The following ITGBL1 variants were observed in gnomAD, a reference collection of about 807,000 sequenced individuals.
ITGBL1 encodes integrin subunit beta like 1.
In ITGBL1, 51 loss-of-function variants were observed where a neutral mutation model predicts 68.5. The ratio of observed to expected loss-of-function variants is 0.74; its 90% CI spans 0.59 to 0.94. The LOEUF (loss-of-function observed/expected upper bound fraction) is 0.94, where lower values mean the gene tolerates loss of function less well. Ranked by LOEUF, ITGBL1 falls within the 40% of genes least tolerant of loss-of-function variation. ITGBL1 has a pLI of 0.00. For missense variants in ITGBL1, 649 were observed against 647.4 expected (o/e 1.00, Z -0.03); for synonymous variants, 209 against 227.3 (o/e 0.92, Z 0.72).
Position 101,608,438 on chromosome 13 carries a change from C to T in ITGBL1, c.1015+10139C>T, listed in dbSNP as rs556027772. ...GTAATTTTGGACAGCTGAATCATTA[C>T]CTTTCTTATTCATGTTTACAGAGAG... On this transcript the variant is annotated intron_variant, in intron 7 of 10. Coordinates refer to ENST00000376180, the MANE Select transcript of ITGBL1 (RefSeq NM_004791.3). Among the ~76,000 whole-genome samples the T allele has an allele frequency of 2.0e-5, 3 of 151,224 alleles. No individual in the cohort carries two copies. The East Asian group carries it at 5.9e-4, about 30-fold the overall frequency.
At chr13:101,541,607 T>G (rs1028327832) in intron 2 of ITGBL1, among the ~76,000 whole-genome samples, 14 of 152,286 alleles carry the variant, frequency 9.2e-5, no homozygotes, top group African/African-American at 3.1e-4. Flanking sequence ...TTCTGTTGAT[T>G]GGAATAGTTT....
At chr13:101,562,424 C>A (rs911820323) in intron 2 of ITGBL1, among the ~76,000 whole-genome samples, 1 of 151,754 alleles carries the variant, frequency 6.6e-6, no homozygotes, top group Admixed American at 6.6e-5. Flanking sequence ...AACTGAGACA[C>A]GACTAATCTA....
intron 7 of ITGBL1, among the ~76,000 whole-genome samples, chr13:101,669,354 TAAG>T (rs1402757580): frequency 6.6e-6 from 1 of 151,828 alleles, no homozygotes; most frequent in Non-Finnish European, 1.5e-5. Context: ...TAAAGGGAAA[TAAG>T]AAAAATAAAT....
intron 2 of ITGBL1, among the ~76,000 whole-genome samples, chr13:101,545,001 G>A (rs183007622): frequency 7.2e-5 from 11 of 152,236 alleles, no homozygotes; most frequent in Admixed American, 2.6e-4. Flanking sequence ...TGTGCTTCCC[G>A]GGTGAGGCGA....
chr13:101,594,053 C>T (rs1237708594), intron 6 of ITGBL1, among the ~76,000 whole-genome samples: 1 of 151,996 alleles, frequency 6.6e-6, no homozygotes, highest in African/African-American at 2.4e-5. Flanking sequence ...TTTAACCTCT[C>T]CTAGCATTTT....
intron 7 of ITGBL1, among the ~76,000 whole-genome samples, chr13:101,612,203 A>AAGGCTAACCAC (rs2031162480): frequency 6.6e-6 from 1 of 152,202 alleles, no homozygotes; most frequent in Non-Finnish European, 1.5e-5. Context: ...TGCCATGTGG[A>AAGGCTAACCAC]TGTTGGTAAA....
intron 2 of ITGBL1, among the ~76,000 whole-genome samples, chr13:101,547,167 A>G (rs2049840396): frequency 9.3e-6 from 1 of 107,094 alleles, no homozygotes; most frequent in Admixed American, 9.5e-5. Flanking sequence ...TTGACTTAGC[A>G]CTTTATTTTC....
intron 9 of ITGBL1, chr13:101,714,009 A>G (rs1215296339): frequency 6.4e-6 from 1 of 156,840 alleles, no homozygotes; most frequent in Non-Finnish European, 1.4e-5. Context: ...ACAATAATTT[A>G]GTAGTTGTTT....
chr13:101,590,898 G>T (rs2050640503), intron 6 of ITGBL1, among the ~76,000 whole-genome samples: 1 of 151,948 alleles, frequency 6.6e-6, no homozygotes, highest in Non-Finnish European at 1.5e-5. Context: ...AGAAAGATAG[G>T]AACTTCTTTG....
chr13:101,597,576 G>A (rs2030057761), intron 6 of ITGBL1, among the ~76,000 whole-genome samples: 1 of 151,186 alleles, frequency 6.6e-6, no homozygotes, highest in Non-Finnish European at 1.5e-5. Flanking sequence ...TTTTGAGACG[G>A]AGTCTCCCTC....
chr13:101,644,442 G>A (rs149126890), intron 7 of ITGBL1, among the ~76,000 whole-genome samples: 42 of 152,256 alleles, frequency 2.8e-4, no homozygotes, highest in Middle Eastern at 3.4e-3. Flanking sequence ...AAATGATTGC[G>A]ATGCCTATGG....
rs1010361622 is a variant in ITGBL1 at position 101,716,022 on chromosome 13, G to A, written c.*368G>A. 2 of 230,742 alleles carry A rather than the reference G, an allele frequency of 8.7e-6. No homozygotes were observed. The highest frequency in any genetic ancestry group is 6.0e-5 in the South Asian group (1 of 16,658). 14.3% of individuals were successfully genotyped at this position (230,742 alleles called of 1,614,324 possible). ...GGCCAGGGATGCTGCTGAGCATCCC[G>A]CAGTGTACAGGACAGCCCCCAAACA... On this transcript the variant is annotated 3_prime_UTR_variant, in exon 11 of 11. Transcript: ENST00000376180.
At chr13:101,652,151 A>T (rs991753407) in intron 7 of ITGBL1, among the ~76,000 whole-genome samples, 1 of 152,062 alleles carries the variant, frequency 6.6e-6, no homozygotes, top group Non-Finnish European at 1.5e-5. Flanking sequence ...GCTACACTTT[A>T]TCTTAGCCAA....
intron 7 of ITGBL1, among the ~76,000 whole-genome samples, chr13:101,689,387 C>G (rs2033833431): frequency 6.6e-6 from 1 of 151,768 alleles, no homozygotes. Context: ...ATGACTGAAA[C>G]AAAATTGGTA....
At chr13:101,499,202 TAATAA>T (rs768471826) in intron 2 of ITGBL1, among the ~76,000 whole-genome samples, 24 of 152,308 alleles carry the variant, frequency 1.6e-4, no homozygotes, top group Admixed American at 3.9e-4. Flanking sequence ...TCTGCAAAAA[TAATAA>T]AATAAAATGC....
intron 7 of ITGBL1, among the ~76,000 whole-genome samples, chr13:101,656,352 T>TC: frequency 1.3e-5 from 2 of 151,384 alleles, no homozygotes; most frequent in African/African-American, 4.9e-5. Flanking sequence ...TGATGCAGTT[T>TC]TCCCCCCACA....
chr13:101,662,899 T>C lies in ITGBL1; in HGVS notation c.1016-29686T>C, dbSNP rs555691085. 2.6e-5 allele frequency among the ~76,000 whole-genome samples: 4 copies of C among 152,292 alleles called. No individual in the cohort carries two copies. The East Asian group carries it at 7.7e-4, about 29-fold the overall frequency. On this transcript the variant is annotated intron_variant, in intron 7 of 10. Coordinates refer to ENST00000376180, the MANE Select transcript of ITGBL1 (RefSeq NM_004791.3). ...ATTTTTTGACTATTCGCTTTTGTCT[T>C]TGTAGAAAATATTCATTAGGATATA...
At chr13:101,629,414 C>G (rs2031901153) in intron 7 of ITGBL1, among the ~76,000 whole-genome samples, 1 of 151,974 alleles carries the variant, frequency 6.6e-6, no homozygotes, top group Admixed American at 6.6e-5. Context: ...ACACTGCATA[C>G]AGTTTAATGC....
At chr13:101,456,835 A>G in intron 2 of ITGBL1, among the ~76,000 whole-genome samples, 1 of 152,166 alleles carries the variant, frequency 6.6e-6, no homozygotes. Context: ...GAATCGCTTG[A>G]ACCCGGCAGG....
Sources: allele counts gnomAD v4.1 joint callset (sites outside exome capture counted in the v4.1 genomes callset), GRCh38; gene constraint gnomAD v4.1.1; transcripts MANE v1.5; gene names NCBI Gene and HGNC (gene_info 2026-07-23, HGNC 2026-07-21).